The following PRPF18 variants were observed in gnomAD, a reference collection of about 807,000 sequenced individuals.
PRPF18 encodes pre-mRNA processing factor 18, also known as pre-mRNA-splicing factor 18.
Under a neutral mutation model 46.5 loss-of-function variants are expected in PRPF18, and 38 were observed. The observed-to-expected ratio is 0.82, with a 90% CI of 0.63 to 1.07. The LOEUF (loss-of-function observed/expected upper bound fraction) is 1.07. PRPF18 is among the 50% of genes least tolerant of loss of function. The pLI is 0.00. For synonymous variants in PRPF18, 152 were observed against 146.7 expected (o/e 1.04, Z -0.26); for missense variants, 263 against 410.0 (o/e 0.64, Z 3.10).
At position 13,600,328 on chromosome 10, in the gene PRPF18, A is replaced by G; in HGVS notation, c.229A>G (p.Met77Val). ...TGAACTGGCAGAGGAAAAATTACCT[A>G]TGACGCTTTCTAGGCAAGAGGTAAG... ...ELELAEEKLP[M>V]TLSRQEVIRR... The change falls in exon 3 of 10, where the codon ATG becomes GTG. Residue 77 changes from methionine to valine, a missense_variant. Physicochemically the swap from Met to Val is conservative, Grantham distance 21. Coordinates refer to ENST00000378572, the MANE Select transcript of PRPF18 (RefSeq NM_003675.4). 6.2e-7 allele frequency: 1 copy of G among 1,610,898 alleles called. No individual in the cohort carries two copies. Among genetic ancestry groups the G allele is most frequent in the Non-Finnish European group, 8.5e-7 (1 of 1,177,996 alleles).
At chr10:13,654,676 G>A in the PRPF18 span, 1 of 601,648 alleles carries the variant, frequency 1.7e-6, no homozygotes, top group Non-Finnish European at 3.0e-6. Flanking sequence ...CTATGGCATG[G>A]TCACAGTGGG....
chr10:13,634,421 C>G (rs889072394), downstream of PRPF18, among the ~76,000 whole-genome samples: 10 of 152,226 alleles, frequency 6.6e-5, no homozygotes, highest in Admixed American at 5.2e-4. Flanking sequence ...GACTCTTTCA[C>G]TGAGCTTCAG....
intron 9 of PRPF18, among the ~76,000 whole-genome samples, chr10:13,616,854 T>C (rs1320576430): frequency 2.0e-5 from 3 of 152,124 alleles, no homozygotes; most frequent in Non-Finnish European, 2.9e-5. Flanking sequence ...AAGTAAAAGT[T>C]GAGCTCATCA....
At chr10:13,635,262 A>G (rs2080626956), downstream of PRPF18, among the ~76,000 whole-genome samples, 1 of 152,178 alleles carries the variant, frequency 6.6e-6, no homozygotes. Context: ...TCCATAGTGT[A>G]TATGTACCAC....
In PRPF18 at chr10:13,630,798, T is replaced by C. The variant is rs371213079; in HGVS notation, c.*458T>C. 2 of 152,164 alleles carry C rather than the reference T, an allele frequency of 1.3e-5. No homozygotes were observed. The highest frequency in any genetic ancestry group is 2.9e-5 in the Non-Finnish European group (2 of 68,050). The allele number at this position is 152,164 out of a possible 1,614,324, so 9.4% of individuals were successfully genotyped here. On this transcript the variant is annotated 3_prime_UTR_variant, in exon 10 of 10. Coordinates refer to ENST00000378572, the MANE Select transcript of PRPF18 (RefSeq NM_003675.4). Reference sequence around the variant, plus strand: ...AACATGGGACCATTGAATGAAACTTTATAGTCCTTAAATGTTGCTGAACTT... The same window carrying C: ...AACATGGGACCATTGAATGAAACTTCATAGTCCTTAAATGTTGCTGAACTT...
the PRPF18 span, chr10:13,655,399 A>T: frequency 6.6e-6 from 1 of 152,172 alleles, no homozygotes; most frequent in Non-Finnish European, 1.5e-5. Context: ...GATCATACTC[A>T]AGATCTTCCT....
downstream of PRPF18, among the ~76,000 whole-genome samples, chr10:13,632,349 C>G (rs574007405): frequency 1.1e-4 from 17 of 151,550 alleles, no homozygotes; most frequent in South Asian, 3.3e-3. Flanking sequence ...CCCTCCCCCC[C>G]GCAAAAAAAA....
At chr10:13,621,946 C>T (rs1213625597) in intron 9 of PRPF18, among the ~76,000 whole-genome samples, 1 of 152,184 alleles carries the variant, frequency 6.6e-6, no homozygotes, top group Non-Finnish European at 1.5e-5. Flanking sequence ...GTCCATGGAA[C>T]ATTTGTGAGT....
At chr10:13,651,045 G>A in the PRPF18 span, 1 of 152,246 alleles carries the variant, frequency 6.6e-6, no homozygotes, top group Non-Finnish European at 1.5e-5. Context: ...GTCCCAGTTA[G>A]ACTGTAAGGG....
At chr10:13,626,405 A>C (rs932082005) in intron 9 of PRPF18, among the ~76,000 whole-genome samples, 1 of 152,218 alleles carries the variant, frequency 6.6e-6, no homozygotes, top group African/African-American at 2.4e-5. Flanking sequence ...GGGGAAAAAA[A>C]CTTATGAGAG....
chr10:13,646,975 C>G, the PRPF18 span: 1 of 984,690 alleles, frequency 1.0e-6, no homozygotes, highest in Non-Finnish European at 1.2e-6. Context: ...GCCCGTACCA[C>G]TGGACATCAG....
Position 13,600,460 on chromosome 10 carries a change from C to T in PRPF18, c.249+112C>T, listed in dbSNP as rs947931522. The stretch of plus-strand genomic sequence containing the variant: ...TTATTTCCTGCGTAAAATGACTTAT[C>T]TAAAAATGCTGTGCAGCTAGTTTTC... On this transcript the variant is annotated intron_variant, in intron 3 of 9. Transcript: ENST00000378572. The T allele has an allele frequency of 1.9e-5, 14 of 733,246 alleles. No homozygotes were observed. The African/African-American group carries it at 2.2e-4, about 12-fold the overall frequency. 45.4% of individuals were successfully genotyped at this position (733,246 alleles called of 1,614,324 possible).
At chr10:13,606,759 C>A (rs1232678445) in intron 4 of PRPF18, among the ~76,000 whole-genome samples, 2,929 of 94,482 alleles carry the variant, frequency 0.031, 2 homozygotes, top group East Asian at 0.11. Context: ...AAAAAAAAAA[C>A]AGGGATAAAA....
intron 9 of PRPF18, among the ~76,000 whole-genome samples, chr10:13,622,943 A>G (rs192386529): frequency 0.024 from 3,598 of 152,318 alleles, 68 homozygotes; most frequent in South Asian, 0.071. Context: ...TCACGCCTGT[A>G]ATCCCAGCAC....
chr10:13,631,960 T>C (rs909604605), downstream of PRPF18: 2 of 152,576 alleles, frequency 1.3e-5, no homozygotes, highest in Non-Finnish European at 2.9e-5. Flanking sequence ...GTTATATGCA[T>C]GGTGGTGGCT....
chr10:13,651,161 T>A, the PRPF18 span: 1 of 152,198 alleles, frequency 6.6e-6, no homozygotes, highest in African/African-American at 2.4e-5. Flanking sequence ...TAGGCCAGGG[T>A]GGTGCCCGGG....
the PRPF18 span, chr10:13,654,042 CA>C: frequency 4.8e-6 from 2 of 414,738 alleles, no homozygotes; most frequent in Non-Finnish European, 8.5e-6. Context: ...CTGTCTTCAT[CA>C]GCTCTCTTTC....
rs17153623 is a variant in PRPF18, at chr10:13,628,004, C to T, written c.949-2256C>T. On this transcript the variant is annotated intron_variant, in intron 9 of 9. Coordinates refer to ENST00000378572, the MANE Select transcript of PRPF18 (RefSeq NM_003675.4). ...TAAGATGCCAAATTAGTGCTATCAT[C>T]TATATTTCCATGGCTACCGATCAAA... Among the ~76,000 whole-genome samples, 5 of 99,118 alleles carry T rather than the reference C, an allele frequency of 5.0e-5. No homozygotes were observed. In the South Asian group the frequency reaches 1.1e-3, roughly 22 times the overall value. The allele number at this position is 99,118 out of a possible 152,430, so 65.0% of individuals were successfully genotyped here.
chr10:13,598,543 A>G (rs919128584), intron 2 of PRPF18, among the ~76,000 whole-genome samples: 3 of 152,218 alleles, frequency 2.0e-5, no homozygotes, highest in Non-Finnish European at 2.9e-5. Context: ...AGAAAAATGT[A>G]GTTTTCAAAA....
Sources: allele counts gnomAD v4.1 joint callset (sites outside exome capture counted in the v4.1 genomes callset), GRCh38; gene constraint gnomAD v4.1.1; transcripts MANE v1.5; gene names NCBI Gene and HGNC (gene_info 2026-07-23, HGNC 2026-07-21).